Variants in PEX2 observed in about 807,000 individuals in gnomAD.
PEX2 encodes peroxisome biogenesis factor 2.
In PEX2, 19 loss-of-function variants were observed where a neutral mutation model predicts 25.2. That is an observed-to-expected ratio of 0.75 (90% CI 0.53 to 1.10). The LOEUF (loss-of-function observed/expected upper bound fraction) is 1.10. Among genes scored for constraint, PEX2 ranks in the 50% least tolerant of loss-of-function variants. The pLI, the probability that PEX2 is intolerant of heterozygous loss-of-function variation, is 0.00. For synonymous variants in PEX2, 141 were observed against 127.7 expected (o/e 1.10, Z -0.70); for missense variants, 347 against 350.6 (o/e 0.99, Z 0.08).
rs1473045745 is a variant in PEX2 at position 76,982,298 on chromosome 8, A to G, written c.*963T>C. 4 of 152,182 alleles carry G rather than the reference A, an allele frequency of 2.6e-5. No homozygotes were observed. Among genetic ancestry groups the G allele is most frequent in the Non-Finnish European group, 4.4e-5 (3 of 68,042 alleles). 9.4% of individuals were successfully genotyped at this position (152,182 alleles called of 1,614,324 possible). A position where few individuals can be genotyped will look rare whatever the true frequency, so the allele number is the denominator to read the frequency against. On this transcript the variant is annotated 3_prime_UTR_variant, in exon 4 of 4. Coordinates refer to ENST00000357039, the MANE Select transcript of PEX2 (RefSeq NM_000318.3). ...TAAAGACCCCTTTTGTTTCAATAAA[A>G]CTATCAATATTTACTGAGAATGACA... is the stretch of plus-strand genomic sequence containing the variant.
chr8:76,998,971 GA>G lies in PEX2; in HGVS notation c.-160+1018del, dbSNP rs1025829983. 3.5e-3 allele frequency among the ~76,000 whole-genome samples: 511 copies of G among 146,516 alleles called. 6 individuals are homozygous for G. Among genetic ancestry groups the G allele is most frequent in the African/African-American group, 0.012 (477 of 40,064 alleles). On this transcript the variant is annotated intron_variant, in intron 1 of 3. Coordinates refer to ENST00000357039, the MANE Select transcript of PEX2 (RefSeq NM_000318.3). ...CTGTTACTTCTATTTTTTTTTTTAAGAAAAAAATATGAAGGGTTTTTTTTTT... is the reference window on the plus strand; with the variant it reads ...CTGTTACTTCTATTTTTTTTTTTAAGAAAAAATATGAAGGGTTTTTTTTTT...
At chr8:77,000,698 G>A (rs1807487450), upstream of PEX2, among the ~76,000 whole-genome samples, 1 of 152,160 alleles carries the variant, frequency 6.6e-6, no homozygotes, top group Admixed American at 6.5e-5. Flanking sequence ...TCAGTCATCC[G>A]CCCTGCAAAG....
In PEX2 at chr8:76,999,910, A is replaced by C. The variant is rs1357619312; in HGVS notation, c.-160+80T>G. The C allele has an allele frequency of 6.6e-6, 3 of 456,650 alleles. No homozygotes were observed. The East Asian group carries it at 2.1e-4, about 32-fold the overall frequency. 28.3% of individuals were successfully genotyped at this position (456,650 alleles called of 1,614,324 possible). On this transcript the variant is annotated intron_variant, in intron 1 of 3. Transcript: ENST00000357039. ...AAAAAAAGCAAACGGCGACAATTAC[A>C]AGGTCGTGAAACTCCACGACCTCCC...
In PEX2 at chr8:76,990,915, G is replaced by T. The variant is rs976517448; in HGVS notation, c.-159-2577C>A. On this transcript the variant is annotated intron_variant, in intron 1 of 3. Coordinates refer to ENST00000357039, the MANE Select transcript of PEX2 (RefSeq NM_000318.3). ...AAAAATTGTGCAGATAAACTTGATT[G>T]ACTCGGTTTGCTACAAACCTTTAAT... is the stretch of plus-strand genomic sequence containing the variant. Among the ~76,000 whole-genome samples, 5 of 13,774 alleles carry T rather than the reference G, an allele frequency of 3.6e-4. No homozygotes were observed. In the Admixed American group the frequency reaches 5.4e-3, roughly 15 times the overall value. The allele number at this position is 13,774 out of a possible 152,430, so 9.0% of individuals were successfully genotyped here. A position where few individuals can be genotyped will look rare whatever the true frequency, so the allele number is the denominator to read the frequency against.
intron 1 of PEX2, chr8:76,999,754 G>A (rs1197744002): frequency 1.8e-5 from 8 of 447,954 alleles, no homozygotes; most frequent in African/African-American, 1.6e-4. Context: ...CTGCAGCTGT[G>A]TGTGTGTTTA....
chr8:76,982,998 G>C lies in PEX2; in HGVS notation c.*263C>G. ...GTAAAATGAAGGAGCATTGTTAGTA[G>C]TCACCTGACAAAAGCTGTCCATTAT... On this transcript the variant is annotated 3_prime_UTR_variant, in exon 4 of 4. Coordinates refer to ENST00000357039, the MANE Select transcript of PEX2 (RefSeq NM_000318.3). 1 of 879,256 alleles carries C rather than the reference G, an allele frequency of 1.1e-6. No individual in the cohort carries two copies. Among genetic ancestry groups the C allele is most frequent in the Non-Finnish European group, 1.6e-6 (1 of 631,738 alleles). 54.5% of individuals were successfully genotyped at this position (879,256 alleles called of 1,614,324 possible).
chr8:76,999,113 C>T (rs1807421110), intron 1 of PEX2, among the ~76,000 whole-genome samples: 1 of 151,978 alleles, frequency 6.6e-6, no homozygotes, highest in Non-Finnish European at 1.5e-5. Flanking sequence ...AAAAGAGCCA[C>T]CCCAAGTTCA....
At chr8:76,987,227 C>T (rs574106117) in intron 2 of PEX2, among the ~76,000 whole-genome samples, 1 of 152,178 alleles carries the variant, frequency 6.6e-6, no homozygotes, top group African/African-American at 2.4e-5. Context: ...CAGGTGATTA[C>T]AATAAGGTGC....
Position 76,983,099 on chromosome 8 carries a change from C to T in PEX2, c.*162G>A. ...CATTTACATAATATATTTAGAATCA[C>T]ATGGTTTCCAGTGATTAGATTTCAG... On this transcript the variant is annotated 3_prime_UTR_variant, in exon 4 of 4. Transcript: ENST00000357039. 1 of 1,467,024 alleles carries T rather than the reference C, an allele frequency of 6.8e-7. No individual in the cohort carries two copies. The highest frequency in any genetic ancestry group is 9.0e-7 in the Non-Finnish European group (1 of 1,108,952). The allele number at this position is 1,467,024 out of a possible 1,614,324, so 90.9% of individuals were successfully genotyped here.
intron 3 of PEX2, among the ~76,000 whole-genome samples, 187 bp from the exon 4 acceptor site, chr8:76,984,382 C>T (rs1364308665): frequency 1.3e-5 from 2 of 152,168 alleles, no homozygotes; most frequent in Non-Finnish European, 2.9e-5. Context: ...TCTCTCAGAG[C>T]CTTTCTTTCT....
chr8:76,999,927 C>T (rs1458727288), intron 1 of PEX2, 63 bp downstream of exon 1: 1 of 456,598 alleles, frequency 2.2e-6, no homozygotes, highest in Non-Finnish European at 4.4e-6. Context: ...TGAAACTCCA[C>T]GACCTCCCAG....
At position 76,983,227 on chromosome 8, in the gene PEX2, G is replaced by C. The variant is rs1393495466; in HGVS notation, c.*34C>G. On this transcript the variant is annotated 3_prime_UTR_variant, in exon 4 of 4. Transcript: ENST00000357039. The stretch of plus-strand genomic sequence containing the variant: ...CTAATATTAAGAATTTAAACACGGT[G>C]CATTTTTTTCCTCAAAGGAAGCAAT... 1 of 1,605,382 alleles carries C rather than the reference G, an allele frequency of 6.2e-7. No homozygotes were observed. The highest frequency in any genetic ancestry group is 1.3e-5 in the African/African-American group (1 of 74,922).
chr8:76,982,911 C>G lies in PEX2; in HGVS notation c.*350G>C. Reference sequence around the variant, plus strand: ...ATTATGTCAACTCTGAAAATAAATGCACACTCATCCCAGAGTCTCCAAAAT... The same window carrying G: ...ATTATGTCAACTCTGAAAATAAATGGACACTCATCCCAGAGTCTCCAAAAT... On this transcript the variant is annotated 3_prime_UTR_variant, in exon 4 of 4. Transcript: ENST00000357039. 3.3e-6 allele frequency: 1 copy of G among 305,712 alleles called. No homozygotes were observed. The highest frequency in any genetic ancestry group is 6.0e-6 in the Non-Finnish European group (1 of 165,712). The allele number at this position is 305,712 out of a possible 1,614,324, so 18.9% of individuals were successfully genotyped here.
chr8:76,994,112 T>C (rs941156308), intron 1 of PEX2, among the ~76,000 whole-genome samples: 2 of 152,152 alleles, frequency 1.3e-5, no homozygotes, highest in Non-Finnish European at 2.9e-5. Context: ...ACTAAACATG[T>C]CACACTGCTT....
At chr8:76,998,415 T>C (rs1277517833) in intron 1 of PEX2, among the ~76,000 whole-genome samples, 1 of 152,194 alleles carries the variant, frequency 6.6e-6, no homozygotes, top group African/African-American at 2.4e-5. Context: ...GAAGGAATAA[T>C]AAATTCTAAT....
At position 76,984,090 on chromosome 8, in the gene PEX2, T is replaced by C; in HGVS notation, c.89A>G (p.Glu30Gly). 6.2e-7 allele frequency: 1 copy of C among 1,612,988 alleles called. No individual in the cohort carries two copies. The highest frequency in any genetic ancestry group is 8.5e-7 in the Non-Finnish European group (1 of 1,179,460). The stretch of plus-strand genomic sequence containing the variant: ...AGTAAACTGGGACCAAACTAGCTGC[T>C]CCAGGGCCTTGTTTAGTTCAAGTGC... ...LDALELNKAL[E>G]QLVWSQFTQC... Residue 30 changes from glutamate (E) to glycine (G), a missense_variant, in exon 4 of 4, where the codon GAG becomes GGG. Glu to Gly is a moderately conservative substitution (Grantham distance 98, BLOSUM62 -2). Transcript: ENST00000357039.
chr8:76,995,226 T>C (rs1807288763), intron 1 of PEX2, among the ~76,000 whole-genome samples: 2 of 152,216 alleles, frequency 1.3e-5, no homozygotes, highest in Non-Finnish European at 2.9e-5. Flanking sequence ...AGACACCTGA[T>C]GTTGTAAATC....
In PEX2 at chr8:76,983,536, TC is replaced by T. The variant is rs61752126; in HGVS notation, c.642del (p.Lys215SerfsTer2). The part of the protein sequence containing the change: ...LIFLLPLINV[Q>X]KLKAKLSSWC... ...CATGAAGACAGCTTGGCTTTCAACTTCTGGACATTGATAAGTGGTAAGAGAA... is the reference window on the plus strand; with the variant it reads ...CATGAAGACAGCTTGGCTTTCAACTTTGGACATTGATAAGTGGTAAGAGAA... On this transcript the variant is annotated frameshift_variant, in exon 4 of 4. Transcript: ENST00000357039. LOFTEE classifies it high-confidence loss of function. 6.2e-7 allele frequency: 1 copy of T among 1,614,076 alleles called. No homozygotes were observed. The highest frequency in any genetic ancestry group is 1.1e-5 in the South Asian group (1 of 91,086).
chr8:76,989,769 G>T (rs886930713), intron 1 of PEX2, among the ~76,000 whole-genome samples: 91 of 152,260 alleles, frequency 6.0e-4, no homozygotes, highest in African/African-American at 2.1e-3. Context: ...TGTCATCCAG[G>T]CTTTGTTTTT....
Sources: allele counts gnomAD v4.1 joint callset (sites outside exome capture counted in the v4.1 genomes callset), GRCh38; gene constraint gnomAD v4.1.1; transcripts MANE v1.5; gene names NCBI Gene and HGNC (gene_info 2026-07-23, HGNC 2026-07-21).